DRC11: variants seen among roughly 807,000 people sequenced by gnomAD.
DRC11 encodes the protein IQ and AAA domain-containing protein 1.
At chr2:236,343,705 C>T in the DRC11 span, 3 of 1,303,728 alleles carry the variant, frequency 2.3e-6, no homozygotes, top group Non-Finnish European at 3.0e-6. The surrounding 1 kb of genome is among the most constrained non-coding windows in gnomAD (Gnocchi z 6.6). Context: ...TGCATACCTA[C>T]TTGTGGACCT....
the DRC11 span, among the ~76,000 whole-genome samples, chr2:236,452,794 G>T: frequency 2.0e-5 from 3 of 152,170 alleles, no homozygotes; most frequent in East Asian, 1.9e-4. This position sits in a 1 kb window ranked among gnomAD's most constrained non-coding sequence, Gnocchi z 4.7. Flanking sequence ...GTATTATCTC[G>T]AATTCTCCTC....
the DRC11 span, among the ~76,000 whole-genome samples, chr2:236,352,544 T>C: frequency 1.3e-5 from 2 of 152,248 alleles, no homozygotes; most frequent in South Asian, 2.1e-4. The surrounding 1 kb of genome is among the most constrained non-coding windows in gnomAD (Gnocchi z 7.0). Context: ...GGGAATAAAA[T>C]CTGCCCTTAG....
the DRC11 span, among the ~76,000 whole-genome samples, chr2:236,414,561 A>G: frequency 6.6e-6 from 1 of 152,054 alleles, no homozygotes; most frequent in Non-Finnish European, 1.5e-5. Flanking sequence ...CCTGGCCTCA[A>G]GTGATCCTCC....
the DRC11 span, among the ~76,000 whole-genome samples, chr2:236,389,269 C>T: frequency 3.3e-5 from 5 of 152,210 alleles, no homozygotes; most frequent in East Asian, 9.6e-4. Context: ...GCCTCGCTGC[C>T]GCCTTGCAGT....
At chr2:236,500,051 G>A in the DRC11 span, among the ~76,000 whole-genome samples, 5 of 151,928 alleles carry the variant, frequency 3.3e-5, no homozygotes, top group South Asian at 4.1e-4. This position sits in a 1 kb window ranked among gnomAD's most constrained non-coding sequence, Gnocchi z 6.3. Flanking sequence ...AGGTAAAAGC[G>A]TATCTTGATG....
chr2:236,342,904 C>T, the DRC11 span, among the ~76,000 whole-genome samples: 1 of 152,156 alleles, frequency 6.6e-6, no homozygotes, highest in Admixed American at 6.5e-5. This position sits in a 1 kb window ranked among gnomAD's most constrained non-coding sequence, Gnocchi z 5.8. Flanking sequence ...CCCCAACACA[C>T]GACGGACTCC....
At chr2:236,331,642 G>T in the DRC11 span, 3 of 1,413,778 alleles carry the variant, frequency 2.1e-6, no homozygotes, top group Non-Finnish European at 3.0e-6. The surrounding 1 kb of genome is among the most constrained non-coding windows in gnomAD (Gnocchi z 4.8). Flanking sequence ...TTACCACAGA[G>T]AAATCAGTGC....
the DRC11 span, among the ~76,000 whole-genome samples, chr2:236,357,368 A>AT: frequency 8.7e-6 from 1 of 114,954 alleles, no homozygotes; most frequent in South Asian, 2.5e-4. Flanking sequence ...TATATTATAA[A>AT]TATATTTATA....
chr2:236,415,346 C>T, the DRC11 span, among the ~76,000 whole-genome samples: 1 of 152,174 alleles, frequency 6.6e-6, no homozygotes, highest in Admixed American at 6.5e-5. The surrounding 1 kb of genome is among the most constrained non-coding windows in gnomAD (Gnocchi z 5.7). Context: ...TTAGACACAA[C>T]TATTTTCCTC....
the DRC11 span, among the ~76,000 whole-genome samples, chr2:236,428,641 A>T: frequency 6.6e-6 from 1 of 152,050 alleles, no homozygotes. Context: ...GGTAAAGTTA[A>T]TCTCTTGTAT....
chr2:236,337,605 T>C, the DRC11 span, among the ~76,000 whole-genome samples: 2 of 152,208 alleles, frequency 1.3e-5, no homozygotes, highest in Non-Finnish European at 1.5e-5. This position sits in a 1 kb window ranked among gnomAD's most constrained non-coding sequence, Gnocchi z 4.9. Flanking sequence ...CCAGGCGTCC[T>C]GAGAGCCCCA....
chr2:236,449,906 T>A, the DRC11 span, among the ~76,000 whole-genome samples: 779 of 152,232 alleles, frequency 5.1e-3, 8 homozygotes, highest in African/African-American at 0.018. The surrounding 1 kb of genome is among the most constrained non-coding windows in gnomAD (Gnocchi z 5.1). Context: ...GCCACTTTGC[T>A]TTTGGTTGAA....
At chr2:236,333,583 G>T in the DRC11 span, among the ~76,000 whole-genome samples, 1 of 152,184 alleles carries the variant, frequency 6.6e-6, no homozygotes, top group Non-Finnish European at 1.5e-5. The surrounding 1 kb of genome is among the most constrained non-coding windows in gnomAD (Gnocchi z 6.0). Flanking sequence ...CCCAGGCTGG[G>T]TTTCATGCTT....
chr2:236,402,063 A>AGTGC, the DRC11 span, among the ~76,000 whole-genome samples: 1 of 152,224 alleles, frequency 6.6e-6, no homozygotes, highest in South Asian at 2.1e-4. This position sits in a 1 kb window ranked among gnomAD's most constrained non-coding sequence, Gnocchi z 6.0. Flanking sequence ...GACTCTCCCC[A>AGTGC]GTGCGTGCCC....
At chr2:236,467,833 A>C in the DRC11 span, among the ~76,000 whole-genome samples, 1 of 152,242 alleles carries the variant, frequency 6.6e-6, no homozygotes, top group Admixed American at 6.5e-5. Context: ...TCATGTCATA[A>C]ACTAAAATAA....
At chr2:236,434,138 G>C in the DRC11 span, among the ~76,000 whole-genome samples, 4 of 152,130 alleles carry the variant, frequency 2.6e-5, no homozygotes, top group Non-Finnish European at 5.9e-5. This position sits in a 1 kb window ranked among gnomAD's most constrained non-coding sequence, Gnocchi z 5.5. Context: ...TTAATGTGGT[G>C]CTGGTTTTAG....
the DRC11 span, among the ~76,000 whole-genome samples, chr2:236,483,936 G>T: frequency 6.6e-6 from 1 of 152,150 alleles, no homozygotes; most frequent in Non-Finnish European, 1.5e-5. This position sits in a 1 kb window ranked among gnomAD's most constrained non-coding sequence, Gnocchi z 4.8. Context: ...TGGCTTAAAT[G>T]GTTAGGTTTA....
At chr2:236,495,976 C>T in the DRC11 span, among the ~76,000 whole-genome samples, 10 of 152,102 alleles carry the variant, frequency 6.6e-5, no homozygotes, top group African/African-American at 1.2e-4. The surrounding 1 kb of genome is among the most constrained non-coding windows in gnomAD (Gnocchi z 5.6). Context: ...GTGGAGTAGC[C>T]GCCACATAGA....
chr2:236,409,489 C>G, the DRC11 span, among the ~76,000 whole-genome samples: 1 of 152,116 alleles, frequency 6.6e-6, no homozygotes, highest in Non-Finnish European at 1.5e-5. Flanking sequence ...AGTTGCCTAT[C>G]AGCTTAAAGA....
Sources: gnomAD v4.1 joint callset for allele counts (sites outside exome capture counted in the v4.1 genomes callset) on GRCh38, gnomAD v4.1.1 for gene constraint, Gnocchi (gnomAD v3.1) non-coding constraint, MANE v1.5 for transcripts, NCBI Gene and HGNC (gene_info 2026-07-23, HGNC 2026-07-21) for gene names.